PEA15: variants seen among roughly 807,000 people sequenced by gnomAD.
PEA15 encodes proliferation and apoptosis adaptor protein 15.
For missense variants in PEA15, 77 were observed against 161.3 expected (o/e 0.48, Z 2.83); for synonymous variants, 60 against 61.8 (o/e 0.97, Z 0.13).
At chr1:160,211,051 CAT>C (rs781463006) in intron 1 of PEA15, among the ~76,000 whole-genome samples, 3 of 152,182 alleles carry the variant, frequency 2.0e-5, no homozygotes, top group Non-Finnish European at 2.9e-5. Context: ...AGCTAGAACA[CAT>C]GAGTTCCTAC....
At chr1:160,207,437 A>G (rs1348094384) in intron 1 of PEA15, among the ~76,000 whole-genome samples, 1 of 152,164 alleles carries the variant, frequency 6.6e-6, no homozygotes, top group East Asian at 1.9e-4. Context: ...CCTCCTCGCC[A>G]TCAGCCGGCC....
chr1:160,211,009 G>A (rs1459600921), intron 1 of PEA15, among the ~76,000 whole-genome samples: 1 of 152,180 alleles, frequency 6.6e-6, no homozygotes, highest in Non-Finnish European at 1.5e-5. Context: ...GTTGAAGTGA[G>A]GGACCCCTTT....
chr1:160,207,725 AAATT>A (rs903587458), intron 1 of PEA15, among the ~76,000 whole-genome samples: 78 of 152,306 alleles, frequency 5.1e-4, no homozygotes, highest in African/African-American at 1.8e-3. Context: ...CTTAAAGAAG[AAATT>A]AATTGAGAAT....
At chr1:160,211,832 C>A (rs1654887101) in intron 2 of PEA15, 116 bp downstream of exon 2, 2 of 941,334 alleles carry the variant, frequency 2.1e-6, no homozygotes, top group Non-Finnish European at 3.1e-6. Context: ...TATAGCAAGG[C>A]AGAAGAGAGG....
Position 160,213,349 on chromosome 1 carries a change from A to G in PEA15, c.329-73A>G. The G allele has an allele frequency of 6.2e-7, 1 of 1,610,618 alleles. No homozygotes were observed. Among genetic ancestry groups the G allele is most frequent in the Non-Finnish European group, 8.5e-7 (1 of 1,176,864 alleles). On this transcript the variant is annotated intron_variant, in intron 3 of 3. Coordinates refer to ENST00000360472, the MANE Select transcript of PEA15 (RefSeq NM_003768.5). This position sits in a 1 kb window ranked among gnomAD's most constrained non-coding sequence, Gnocchi z 5.3. ...GAGTACTTGAGTTTTGGGAGAGTGGAGGCAGATGCCCAATGGGCCTGCCTG... is the reference window on the plus strand; with the variant it reads ...GAGTACTTGAGTTTTGGGAGAGTGGGGGCAGATGCCCAATGGGCCTGCCTG...
At chr1:160,209,510 GACAC>G (rs111598251) in intron 1 of PEA15, among the ~76,000 whole-genome samples, 4,494 of 146,632 alleles carry the variant, frequency 0.031, 190 homozygotes, top group African/African-American at 0.099. Flanking sequence ...AACTCCTCCC[GACAC>G]ACACACACAC....
Position 160,213,620 on chromosome 1 carries a change from G to A in PEA15, c.*134G>A, listed in dbSNP as rs898784054. On this transcript the variant is annotated 3_prime_UTR_variant, in exon 4 of 4. Coordinates refer to ENST00000360472, the MANE Select transcript of PEA15 (RefSeq NM_003768.5). The surrounding 1 kb of genome is among the most constrained non-coding windows in gnomAD (Gnocchi z 5.3). ...TGGTCCTAACCCCCTTACTGTGCGC[G>A]TGTGTGTGCGTGTGCGCACGCTCTG... The A allele has an allele frequency of 6.0e-5, 38 of 631,918 alleles. No homozygotes were observed. The highest frequency in any genetic ancestry group is 1.0e-4 in the Non-Finnish European group (37 of 357,204). The allele number at this position is 631,918 out of a possible 1,614,324, so 39.1% of individuals were successfully genotyped here. A position where few individuals can be genotyped will look rare whatever the true frequency, so the allele number is the denominator to read the frequency against.
chr1:160,211,240 CTCAG>C, intron 1 of PEA15: 1 of 1,048,418 alleles, frequency 9.5e-7, no homozygotes, highest in Non-Finnish European at 1.2e-6. Flanking sequence ...TAACCGCCTC[CTCAG>C]TCAGGGGAAC....
Position 160,208,451 on chromosome 1 carries a change from A to G in PEA15, c.-3+2929A>G, listed in dbSNP as rs1449947073. 3 of 665,678 alleles carry G rather than the reference A, an allele frequency of 4.5e-6. No homozygotes were observed. Among genetic ancestry groups the G allele is most frequent in the African/African-American group, 1.8e-5 (1 of 55,658 alleles). 41.2% of individuals were successfully genotyped at this position (665,678 alleles called of 1,614,324 possible). A position where few individuals can be genotyped will look rare whatever the true frequency, so the allele number is the denominator to read the frequency against. ...TCCGGTTCCTGATTCCTGCCCTGGT[A>G]TCCTGTCCCAAGAATGGCCTCCGCC... is the stretch of plus-strand genomic sequence containing the variant. On this transcript the variant is annotated intron_variant, in intron 1 of 3. Transcript: ENST00000360472. This position sits in a 1 kb window ranked among gnomAD's most constrained non-coding sequence, Gnocchi z 4.1.
At position 160,208,001 on chromosome 1, in the gene PEA15, G is replaced by C. The variant is rs530469409; in HGVS notation, c.-3+2479G>C. ...GCTGCAACAGATGTGGAAGAGGGAC[G>C]GGCAGCAACTCTTAATCTTCAGGCT... On this transcript the variant is annotated intron_variant, in intron 1 of 3. Coordinates refer to ENST00000360472, the MANE Select transcript of PEA15 (RefSeq NM_003768.5). This position sits in a 1 kb window ranked among gnomAD's most constrained non-coding sequence, Gnocchi z 4.1. Among the ~76,000 whole-genome samples, 23 of 152,182 alleles carry C rather than the reference G, an allele frequency of 1.5e-4. No homozygotes were observed. Among genetic ancestry groups the C allele is most frequent in the Non-Finnish European group, 3.2e-4 (22 of 68,028 alleles).
rs946583484 is a variant in PEA15 at position 160,214,792 on chromosome 1, A to C, written c.*1306A>C. ...CTTTTTCAAAAAACATTAAATTCAC[A>C]TGCAGTCTCAGAGACTATTTAGACA... On this transcript the variant is annotated 3_prime_UTR_variant, in exon 4 of 4. Transcript: ENST00000360472. The C allele has an allele frequency of 2.0e-5, 3 of 152,618 alleles. No individual in the cohort carries two copies. Among genetic ancestry groups the C allele is most frequent in the Non-Finnish European group, 2.9e-5 (2 of 68,046 alleles). 9.5% of individuals were successfully genotyped at this position (152,618 alleles called of 1,614,324 possible). A position where few individuals can be genotyped will look rare whatever the true frequency, so the allele number is the denominator to read the frequency against.
intron 1 of PEA15, among the ~76,000 whole-genome samples, chr1:160,207,521 A>G (rs975653894): frequency 6.6e-6 from 1 of 152,112 alleles, no homozygotes; most frequent in African/African-American, 2.4e-5. Flanking sequence ...TTCTAGACCA[A>G]GGGCTGAAGG....
At position 160,213,111 on chromosome 1, in the gene PEA15, C is replaced by T. The variant is rs1426850411; in HGVS notation, c.174C>T (p.Asp58=). The stretch of plus-strand genomic sequence containing the variant: ...ACCCTATCTCCTGCCTTCCTCCAGA[C>T]AACCTCTCCTACATTGAGCACATCT... The part of the protein sequence containing the change: ...FLESHNKLDK[D]NLSYIEHIFE... The change falls in exon 3 of 4, where the codon GAC becomes GAT. Residue 58 remains aspartate, a splice_region_variant and synonymous_variant. Coordinates refer to ENST00000360472, the MANE Select transcript of PEA15 (RefSeq NM_003768.5). This position sits in a 1 kb window ranked among gnomAD's most constrained non-coding sequence, Gnocchi z 5.3. 1 of 1,614,088 alleles carries T rather than the reference C, an allele frequency of 6.2e-7. No individual in the cohort carries two copies.
intron 1 of PEA15, chr1:160,207,102 C>G (rs543240794): frequency 6.6e-6 from 1 of 152,566 alleles, no homozygotes; most frequent in African/African-American, 2.4e-5. Flanking sequence ...CCAAGCCACT[C>G]CGACCAAACT....
chr1:160,211,842 G>A (rs1654887321), intron 2 of PEA15, 126 bp downstream of exon 2: 1 of 853,242 alleles, frequency 1.2e-6, no homozygotes, highest in Non-Finnish European at 1.8e-6. Context: ...CAGAAGAGAG[G>A]TGCTCTAAGA....
rs1179363802 is a variant in PEA15 at position 160,215,333 on chromosome 1, T to G, written c.*1847T>G. ...TCTTCTGTCTGCAGTGTGCACGGCC[T>G]TGTTCTAACCCGGAATAAAGGTGAT... On this transcript the variant is annotated 3_prime_UTR_variant, in exon 4 of 4. Transcript: ENST00000360472. 1.3e-5 allele frequency: 2 copies of G among 152,244 alleles called. No homozygotes were observed. The highest frequency in any genetic ancestry group is 4.8e-5 in the African/African-American group (2 of 41,466). 9.4% of individuals were successfully genotyped at this position (152,244 alleles called of 1,614,324 possible). A position where few individuals can be genotyped will look rare whatever the true frequency, so the allele number is the denominator to read the frequency against.
At chr1:160,210,121 G>T (rs762394536) in intron 1 of PEA15, among the ~76,000 whole-genome samples, 6 of 152,148 alleles carry the variant, frequency 3.9e-5, no homozygotes, top group African/African-American at 9.7e-5. Context: ...GGGACTTCTG[G>T]GTCTGTATCT....
intron 1 of PEA15, among the ~76,000 whole-genome samples, chr1:160,207,447 C>T (rs1460374283): frequency 1.3e-5 from 2 of 152,170 alleles, no homozygotes; most frequent in Non-Finnish European, 2.9e-5. Context: ...ATCAGCCGGC[C>T]CTCCTCTGCT....
Position 160,213,695 on chromosome 1 carries a change from G to A in PEA15, c.*209G>A, listed in dbSNP as rs1316281548. 3.9e-6 allele frequency: 2 copies of A among 511,922 alleles called. No homozygotes were observed. Among genetic ancestry groups the A allele is most frequent in the Non-Finnish European group, 7.1e-6 (2 of 281,640 alleles). The allele number at this position is 511,922 out of a possible 1,614,324, so 31.7% of individuals were successfully genotyped here. A position where few individuals can be genotyped will look rare whatever the true frequency, so the allele number is the denominator to read the frequency against. Reference sequence around the variant, plus strand: ...ATCTAGTTCCTCTTCTTAAGGGGATGGGGGTCAGGGGCTAGGGGAGGGGGC... The same window carrying A: ...ATCTAGTTCCTCTTCTTAAGGGGATAGGGGTCAGGGGCTAGGGGAGGGGGC... On this transcript the variant is annotated 3_prime_UTR_variant, in exon 4 of 4. Transcript: ENST00000360472. This position sits in a 1 kb window ranked among gnomAD's most constrained non-coding sequence, Gnocchi z 5.3.
Sources: gnomAD v4.1 joint callset for allele counts (sites outside exome capture counted in the v4.1 genomes callset) on GRCh38, gnomAD v4.1.1 for gene constraint, Gnocchi (gnomAD v3.1) non-coding constraint, MANE v1.5 for transcripts, NCBI Gene and HGNC (gene_info 2026-07-23, HGNC 2026-07-21) for gene names.